RUBCNL: variants seen among roughly 807,000 people sequenced by gnomAD.
RUBCNL encodes the protein protein associated with UVRAG as autophagy enhancer.
RUBCNL carries 62 observed loss-of-function variants against 69.5 expected under a neutral mutation model. That is an observed-to-expected ratio of 0.89 (90% CI 0.73 to 1.10). The LOEUF (loss-of-function observed/expected upper bound fraction) is 1.10. RUBCNL is among the 50% of genes least tolerant of loss of function. The pLI is 0.00. For synonymous variants in RUBCNL, 291 were observed against 303.6 expected, an observed-to-expected ratio of 0.96 and a Z score of 0.43; for missense variants, 768 against 798.1, an observed-to-expected ratio of 0.96 and a Z score of 0.45.
In RUBCNL at chr13:46,337,278, G is replaced by C. The variant is rs1208334098; in HGVS notation, c.*6107C>G. On this transcript the variant is annotated 3_prime_UTR_variant, in exon 15 of 15. Coordinates refer to ENST00000429979, the MANE Select transcript of RUBCNL (RefSeq NM_025113.5). ...CTGCCTCAGCCTCCCGAGTAGCTGG[G>C]ATTACAGGCACTTGCGACCACACCT... 1.3e-5 allele frequency among the ~76,000 whole-genome samples: 2 copies of C among 152,134 alleles called. No individual in the cohort carries two copies. Among genetic ancestry groups the C allele is most frequent in the Non-Finnish European group, 2.9e-5 (2 of 68,024 alleles).
rs954532408 is a variant in RUBCNL at position 46,335,354 on chromosome 13, T to C, written c.*8031A>G. On this transcript the variant is annotated 3_prime_UTR_variant, in exon 15 of 15. Coordinates refer to ENST00000429979, the MANE Select transcript of RUBCNL (RefSeq NM_025113.5). Reference sequence around the variant, plus strand: ...CCTGGGCTCAAGTCATCCTCCTGCATTGGCCTCCCAAAGTGCTGGGATTAC... The same window carrying C: ...CCTGGGCTCAAGTCATCCTCCTGCACTGGCCTCCCAAAGTGCTGGGATTAC... Among the ~76,000 whole-genome samples the C allele has an allele frequency of 1.3e-5, 2 of 149,714 alleles. No individual in the cohort carries two copies. Among genetic ancestry groups the C allele is most frequent in the Non-Finnish European group, 3.0e-5 (2 of 67,632 alleles).
Position 46,345,584 on chromosome 13 carries a change from C to A in RUBCNL, c.1648G>T (p.Glu550Ter). ...RFANSALKEF[E>*]QVPGHLTDEL... The stretch of plus-strand genomic sequence containing the variant: ...TCAGTCAAGTGTCCCGGCACCTGCT[C>A]GAACTCCTTTAATGCACTGCCAGAG... The change falls in exon 13 of 15, where the codon GAG becomes TAG. Residue 550 changes from glutamate (E) to a stop codon, truncating the protein, a stop_gained. Coordinates refer to ENST00000429979, the MANE Select transcript of RUBCNL (RefSeq NM_025113.5). LOFTEE classifies it high-confidence loss of function. 6.2e-7 allele frequency: 1 copy of A among 1,613,612 alleles called. No individual in the cohort carries two copies. Among genetic ancestry groups the A allele is most frequent in the South Asian group, 1.1e-5 (1 of 90,912 alleles).
Position 46,366,911 on chromosome 13 carries a change from A to T in RUBCNL, c.826+1131T>A, listed in dbSNP as rs150639255. ...GTCCTGGGGGGCCAGCCAGACGGACAAGCCTCCAGCCTTAGAGAGCAAGCA... is the reference window on the plus strand; with the variant it reads ...GTCCTGGGGGGCCAGCCAGACGGACTAGCCTCCAGCCTTAGAGAGCAAGCA... On this transcript the variant is annotated intron_variant, in intron 5 of 14. Coordinates refer to ENST00000429979, the MANE Select transcript of RUBCNL (RefSeq NM_025113.5). 7.9e-5 allele frequency among the ~76,000 whole-genome samples: 12 copies of T among 152,342 alleles called. No individual in the cohort carries two copies. The East Asian group carries it at 2.3e-3, about 29-fold the overall frequency.
chr13:46,384,635 A>T (rs1393834637), intron 1 of RUBCNL, among the ~76,000 whole-genome samples: 1 of 152,196 alleles, frequency 6.6e-6, no homozygotes, highest in Non-Finnish European at 1.5e-5. Flanking sequence ...GGATCATTGG[A>T]ATGAATGCAT....
intron 9 of RUBCNL, among the ~76,000 whole-genome samples, chr13:46,358,251 T>A (rs1490707633): frequency 1.3e-5 from 2 of 152,046 alleles, no homozygotes; most frequent in Non-Finnish European, 1.5e-5. Context: ...TGGGGCAGAG[T>A]CAACCTCTCT....
chr13:46,376,764 G>A (rs1386324967), intron 2 of RUBCNL, among the ~76,000 whole-genome samples: 1 of 152,088 alleles, frequency 6.6e-6, no homozygotes, highest in Admixed American at 6.5e-5. Flanking sequence ...ATGAATTAAC[G>A]TACATATTTC....
intron 5 of RUBCNL, among the ~76,000 whole-genome samples, chr13:46,365,305 A>G (rs2048727452): frequency 1.4e-5 from 2 of 146,468 alleles, no homozygotes; most frequent in African/African-American, 5.2e-5. Context: ...TCCATCTCAA[A>G]AAAAAAAAAA....
chr13:46,370,009 G>A (rs188597653), intron 3 of RUBCNL, among the ~76,000 whole-genome samples: 2 of 152,286 alleles, frequency 1.3e-5, no homozygotes, highest in Non-Finnish European at 2.9e-5. Flanking sequence ...CTCTTCTGCC[G>A]CTGTAGTGAG....
Position 46,345,462 on chromosome 13 carries a change from A to G in RUBCNL, c.1770T>C (p.His590=), listed in dbSNP as rs1295761021. ...GCACCCTCACCTCACAGCCAGCCAC[A>G]TGTGCAAGGGAAGCTTTCAGAATGT... is the stretch of plus-strand genomic sequence containing the variant. ...LKDILKASLA[H]VAGCELCQGK... is the part of the protein sequence containing the mutation. Residue 590 remains histidine (H), a synonymous_variant, in exon 13 of 15, where the codon CAT becomes CAC. Transcript: ENST00000429979. 1 of 1,565,602 alleles carries G rather than the reference A, an allele frequency of 6.4e-7. No individual in the cohort carries two copies. The highest frequency in any genetic ancestry group is 8.7e-7 in the Non-Finnish European group (1 of 1,155,410).
chr13:46,373,575 C>T (rs1458954679), intron 2 of RUBCNL, among the ~76,000 whole-genome samples: 1 of 152,248 alleles, frequency 6.6e-6, no homozygotes, highest in Non-Finnish European at 1.5e-5. Context: ...ACTCTTGTCA[C>T]TGTAATTACA....
intron 2 of RUBCNL, among the ~76,000 whole-genome samples, chr13:46,374,026 T>C (rs2048935062): frequency 6.6e-6 from 1 of 152,246 alleles, no homozygotes; most frequent in Non-Finnish European, 1.5e-5. Context: ...AGCAAGTTTA[T>C]AGCTATAGCT....
At chr13:46,349,145 T>C in intron 12 of RUBCNL, 141 bp downstream of exon 12, 1 of 671,056 alleles carries the variant, frequency 1.5e-6, no homozygotes, top group South Asian at 1.8e-5. Flanking sequence ...TTCAAAGAGA[T>C]GGCATGATTT....
At chr13:46,345,631 A>G (rs1316611079) in intron 12 of RUBCNL, 31 bp from the exon 13 acceptor site, 2 of 1,609,688 alleles carry the variant, frequency 1.2e-6, no homozygotes. Flanking sequence ...AGGAATTCAG[A>G]AACCCACCCA....
intron 1 of RUBCNL, among the ~76,000 whole-genome samples, chr13:46,381,534 A>G (rs2138846297): frequency 6.6e-6 from 1 of 152,310 alleles, no homozygotes; most frequent in Non-Finnish European, 1.5e-5. Context: ...ATGATGGCAT[A>G]TATTTGTGAA....
intron 3 of RUBCNL, among the ~76,000 whole-genome samples, chr13:46,370,128 A>G (rs2048845776): frequency 6.6e-6 from 1 of 152,232 alleles, no homozygotes; most frequent in African/African-American, 2.4e-5. Flanking sequence ...AAGAGCACAG[A>G]GAAGAATCGG....
chr13:46,357,722 C>A (rs2048522666), intron 9 of RUBCNL, among the ~76,000 whole-genome samples: 1 of 151,282 alleles, frequency 6.6e-6, no homozygotes, highest in Non-Finnish European at 1.5e-5. Flanking sequence ...CTTCACCTCC[C>A]AGGTTCAAGC....
intron 1 of RUBCNL, chr13:46,385,248 C>T (rs2049213075): frequency 1.0e-6 from 1 of 981,464 alleles, no homozygotes; most frequent in Non-Finnish European, 1.2e-6. Context: ...AGCACAGTTA[C>T]AGAGACCTGG....
intron 1 of RUBCNL, among the ~76,000 whole-genome samples, chr13:46,386,491 G>A (rs1339230145): frequency 1.3e-5 from 2 of 149,028 alleles, no homozygotes; most frequent in African/African-American, 2.5e-5. Flanking sequence ...TTTCCAAGCG[G>A]ACAGCATCAA....
intron 1 of RUBCNL, chr13:46,385,297 T>A: frequency 1.0e-6 from 1 of 981,344 alleles, no homozygotes. Context: ...ATCTTTCAGC[T>A]CCTTTTAATT....
Sources: allele counts gnomAD v4.1 joint callset (sites outside exome capture counted in the v4.1 genomes callset), GRCh38; gene constraint gnomAD v4.1.1; transcripts MANE v1.5; gene names NCBI Gene and HGNC (gene_info 2026-07-23, HGNC 2026-07-21).